The following PFKFB2 variants were observed in gnomAD, a reference collection of about 807,000 sequenced individuals.
PFKFB2 encodes the protein 6-phosphofructo-2-kinase/fructose-2,6-biphosphatase 2, also known as 6-phosphofructo-2-kinase/fructose-2,6-bisphosphatase 2.
A neutral mutation model predicts 68.0 loss-of-function variants in PFKFB2; 53 were observed. The observed-to-expected ratio is 0.78, with a 90% confidence interval of 0.63 to 0.98. The LOEUF (loss-of-function observed/expected upper bound fraction) is 0.98. PFKFB2 is among the 50% of genes least tolerant of loss of function. PFKFB2 has a pLI of 0.00. For synonymous variants in PFKFB2, 222 were observed against 227.6 expected, an observed-to-expected ratio of 0.98 and a Z score of 0.22; for missense variants, 451 against 642.0, an observed-to-expected ratio of 0.70 and a Z score of 3.22.
In PFKFB2 at chr1:207,073,343, A is replaced by G. The variant is rs1027698908; in HGVS notation, c.*972A>G. The G allele has an allele frequency of 2.0e-6, 2 of 985,426 alleles. No homozygotes were observed. Among genetic ancestry groups the G allele is most frequent in the Admixed American group, 1.2e-4 (2 of 16,280 alleles). 61.0% of individuals were successfully genotyped at this position (985,426 alleles called of 1,614,324 possible). On this transcript the variant is annotated 3_prime_UTR_variant, in exon 15 of 15. Coordinates refer to ENST00000367080, the MANE Select transcript of PFKFB2 (RefSeq NM_006212.2). ...CCCATGACTCTCAGGTTCTTTGCCA[A>G]TCACAGCAACTTTTCCTGCCAAAGC... is the stretch of plus-strand genomic sequence containing the variant.
At chr1:207,049,990 G>C (rs1682697307), upstream of PFKFB2, among the ~76,000 whole-genome samples, 1 of 152,180 alleles carries the variant, frequency 6.6e-6, no homozygotes, top group South Asian at 2.1e-4. Flanking sequence ...TACCTAAAAA[G>C]ATACATTTCA....
At chr1:207,067,453 C>A in intron 8 of PFKFB2, 46 bp from the exon 9 acceptor site, 1 of 1,359,352 alleles carries the variant, frequency 7.4e-7, no homozygotes, top group Non-Finnish European at 1.0e-6. Flanking sequence ...TTCTTATTCT[C>A]AGATCTTCTT....
At chr1:207,079,079 A>T (rs1218269827), downstream of PFKFB2, 1 of 1,415,502 alleles carries the variant, frequency 7.1e-7, no homozygotes. Context: ...AAAGCTTGGG[A>T]TGTCAGCTTC....
intron 8 of PFKFB2, among the ~76,000 whole-genome samples, chr1:207,066,980 T>A (rs796446540): frequency 1.8e-4 from 28 of 152,280 alleles, no homozygotes; most frequent in African/African-American, 6.7e-4. Flanking sequence ...AAGAGAACAA[T>A]CTCATGTTGG....
At position 207,070,182 on chromosome 1, in the gene PFKFB2, GGAA is replaced by G. The variant is rs946294818; in HGVS notation, c.1093-90_1093-88del. The G allele has an allele frequency of 3.4e-5, 49 of 1,428,690 alleles. No homozygotes were observed. The highest frequency in any genetic ancestry group is 2.5e-4 in the Middle Eastern group (1 of 4,042). 88.5% of individuals were successfully genotyped at this position (1,428,690 alleles called of 1,614,324 possible). A position where few individuals can be genotyped will look rare whatever the true frequency, so the allele number is the denominator to read the frequency against. On this transcript the variant is annotated intron_variant, in intron 11 of 14. Transcript: ENST00000367080. The surrounding 1 kb of genome is among the most constrained non-coding windows in gnomAD (Gnocchi z 4.2). Reference sequence around the variant, plus strand: ...AGCCTCCAGGAGGAAAGCCAGCTGAGGAAGAAGAAGTGGCCCTTAGTCTCCAAG... The same window carrying G: ...AGCCTCCAGGAGGAAAGCCAGCTGAGGAAGAAGTGGCCCTTAGTCTCCAAG...
intron 1 of PFKFB2, among the ~76,000 whole-genome samples, chr1:207,053,921 T>C (rs1433456230): frequency 6.8e-6 from 1 of 147,380 alleles, no homozygotes; most frequent in East Asian, 1.9e-4. Context: ...TTTTTTTTTT[T>C]TTTGACAGAG....
chr1:207,035,626 C>T (rs1277726512), intron 1 of PFKFB2, among the ~76,000 whole-genome samples: 1 of 151,668 alleles, frequency 6.6e-6, no homozygotes, highest in Non-Finnish European at 1.5e-5. Flanking sequence ...GCACTCCAGC[C>T]TTGGTGACAG....
chr1:207,057,317 A>C (rs1459145625), intron 2 of PFKFB2, among the ~76,000 whole-genome samples: 7 of 148,610 alleles, frequency 4.7e-5, no homozygotes, highest in Admixed American at 2.7e-4. Context: ...AAAAAAAAAA[A>C]AAAAAAAAAA....
At chr1:207,079,475 C>T (rs1008096305), downstream of PFKFB2, 3 of 157,116 alleles carry the variant, frequency 1.9e-5, no homozygotes, top group African/African-American at 7.2e-5. Context: ...TATACTTATG[C>T]TAGCAGTTAC....
At chr1:207,064,713 A>G (rs915068984) in intron 7 of PFKFB2, among the ~76,000 whole-genome samples, 1 of 152,228 alleles carries the variant, frequency 6.6e-6, no homozygotes, top group Non-Finnish European at 1.5e-5. Context: ...GAGTGGTAAT[A>G]GGGAAACATT....
chr1:207,068,092 T>TTGCGTGTGTG, intron 9 of PFKFB2, 71 bp from the exon 10 acceptor site: 2 of 781,548 alleles, frequency 2.6e-6, no homozygotes, highest in Non-Finnish European at 3.8e-6. Flanking sequence ...TATGTGTGTG[T>TTGCGTGTGTG]TGAGTGTGTG....
Position 207,043,619 on chromosome 1 carries a change from T to C in PFKFB2, c.-18+1407T>C, listed in dbSNP as rs541250073. Among the ~76,000 whole-genome samples, 12 of 152,270 alleles carry C rather than the reference T, an allele frequency of 7.9e-5. No homozygotes were observed. The East Asian group carries it at 1.7e-3, about 22-fold the overall frequency. ...GCAACAAATATTGAATTACAACTTG[T>C]AGGATTGGATTTAGAAAAAAATTTA... On this transcript the variant is annotated intron_variant, in intron 2 of 5. Coordinates refer to the PFKFB2 transcript ENST00000545806.
intron 1 of PFKFB2, 57 bp from the exon 2 acceptor site, chr1:207,054,644 T>A (rs538108239): frequency 8.0e-6 from 10 of 1,249,532 alleles, no homozygotes; most frequent in East Asian, 2.4e-5. Context: ...TGACTTTTTT[T>A]AAGTTATGTC....
At chr1:207,051,045 G>C (rs959520345), upstream of PFKFB2, 60 of 1,487,720 alleles carry the variant, frequency 4.0e-5, no homozygotes, top group Non-Finnish European at 5.3e-5. Flanking sequence ...AGAAGTTGCG[G>C]GTGGTTGCAG....
At chr1:207,040,923 A>ATTTTTTTTTTTTTTTTTTTTTTTTTTTTT (rs397862660) in intron 1 of PFKFB2, among the ~76,000 whole-genome samples, 1 of 117,380 alleles carries the variant, frequency 8.5e-6, no homozygotes. Flanking sequence ...TTTAAAACAG[A>ATTTTTTTTTTTTTTTTTTTTTTTTTTTTT]TTTTTTTTTT....
chr1:207,072,901 G>T lies in PFKFB2; in HGVS notation c.*530G>T. On this transcript the variant is annotated 3_prime_UTR_variant, in exon 15 of 15. Transcript: ENST00000367080. Reference sequence around the variant, plus strand: ...TCTGGATTGTCCAGTGTAATGCATGGCATTGTGGTGTCTGTCTAGGAAGGA... The same window carrying T: ...TCTGGATTGTCCAGTGTAATGCATGTCATTGTGGTGTCTGTCTAGGAAGGA... 1 of 986,068 alleles carries T rather than the reference G, an allele frequency of 1.0e-6. No homozygotes were observed. The highest frequency in any genetic ancestry group is 1.2e-6 in the Non-Finnish European group (1 of 830,490). 61.1% of individuals were successfully genotyped at this position (986,068 alleles called of 1,614,324 possible).
intron 9 of PFKFB2, 88 bp from the exon 10 acceptor site, chr1:207,068,075 C>A: frequency 8.6e-7 from 1 of 1,164,070 alleles, no homozygotes; most frequent in Non-Finnish European, 1.2e-6. Flanking sequence ...AGTTAGCAGG[C>A]TTTGTGTATG....
intron 2 of PFKFB2, among the ~76,000 whole-genome samples, chr1:207,055,405 C>T (rs567071007): frequency 1.3e-5 from 2 of 152,222 alleles, no homozygotes; most frequent in African/African-American, 4.8e-5. Context: ...ATTTTCATTT[C>T]TATGCCTGTC....
intron 1 of PFKFB2, among the ~76,000 whole-genome samples, chr1:207,039,937 G>A (rs1404972661): frequency 2.0e-5 from 3 of 152,150 alleles, no homozygotes; most frequent in African/African-American, 7.2e-5. Context: ...GAGGCTGAGT[G>A]GTACTTCTGA....
Sources: gnomAD v4.1 joint callset for allele counts (sites outside exome capture counted in the v4.1 genomes callset) on GRCh38, gnomAD v4.1.1 for gene constraint, Gnocchi (gnomAD v3.1) non-coding constraint, MANE v1.5 for transcripts, NCBI Gene and HGNC (gene_info 2026-07-23, HGNC 2026-07-21) for gene names.